Variants in PCM1 observed in about 807,000 individuals in gnomAD.
PCM1 encodes pericentriolar material 1, also known as pericentriolar material 1 protein.
A neutral mutation model predicts 241.9 loss-of-function variants in PCM1; 157 were observed. The ratio of observed to expected loss-of-function variants is 0.65; its 90% confidence interval spans 0.57 to 0.74. The LOEUF is 0.74. PCM1 is among the 30% of genes least tolerant of loss of function. PCM1 has a pLI of 0.00. For missense variants in PCM1, 3,478 were observed against 2,360.1 expected (o/e 1.47, Z -9.81); for synonymous variants, 1,085 against 784.9 (o/e 1.38, Z -6.39).
intron 38 of PCM1, among the ~76,000 whole-genome samples, chr8:18,026,815 C>G (rs755998553): frequency 2.0e-5 from 3 of 152,122 alleles, no homozygotes; most frequent in Non-Finnish European, 2.9e-5. Flanking sequence ...GCTGCTCCTC[C>G]TCTGCTTTCT....
chr8:18,027,961 C>G lies in PCM1; in HGVS notation c.*299C>G. On this transcript the variant is annotated 3_prime_UTR_variant, in exon 39 of 39. Coordinates refer to ENST00000325083, the MANE Select transcript of PCM1 (RefSeq NM_006197.4). The stretch of plus-strand genomic sequence containing the variant: ...AATGTAGTTTTAAATAAAGTTTGGA[C>G]TTATCTATAAAGTATCTTTTTTGGA... 3.2e-6 allele frequency: 1 copy of G among 311,616 alleles called. No individual in the cohort carries two copies. Among genetic ancestry groups the G allele is most frequent in the Non-Finnish European group, 5.8e-6 (1 of 171,638 alleles). 19.3% of individuals were successfully genotyped at this position (311,616 alleles called of 1,614,324 possible). A position where few individuals can be genotyped will look rare whatever the true frequency, so the allele number is the denominator to read the frequency against.
intron 36 of PCM1, among the ~76,000 whole-genome samples, chr8:18,023,244 A>T (rs992307818): frequency 4.6e-5 from 7 of 152,212 alleles, no homozygotes; most frequent in Non-Finnish European, 1.0e-4. Flanking sequence ...ATGACTCTTT[A>T]AATGGTTGTG....
At position 17,964,576 on chromosome 8, in the gene PCM1, C is replaced by T; in HGVS notation, c.2663C>T (p.Ala888Val). ...PQQSRTEKTMATWGGSTQCAL... is the reference protein window; with the variant it reads ...PQQSRTEKTMVTWGGSTQCAL... ...TGTCTCTTAATCACTAGAACGATGGCAACTTGGGGAGGGTCTACCCAGTGT... is the reference window on the plus strand; with the variant it reads ...TGTCTCTTAATCACTAGAACGATGGTAACTTGGGGAGGGTCTACCCAGTGT... The change falls in exon 18 of 39, where the codon GCA (alanine) becomes GTA (valine). Residue 888 changes from alanine to valine, a missense_variant. Ala to Val is a moderately conservative substitution (Grantham distance 64, BLOSUM62 0). Coordinates refer to ENST00000325083, the MANE Select transcript of PCM1 (RefSeq NM_006197.4). 1 of 1,612,370 alleles carries T rather than the reference C, an allele frequency of 6.2e-7. No individual in the cohort carries two copies. The highest frequency in any genetic ancestry group is 8.5e-7 in the Non-Finnish European group (1 of 1,178,942).
At chr8:17,959,959 A>G (rs370027060) in intron 13 of PCM1, 55 bp from the exon 14 acceptor site, 2 of 1,534,270 alleles carry the variant, frequency 1.3e-6, no homozygotes, top group South Asian at 1.2e-5. Flanking sequence ...TAAGGTATGA[A>G]TTGGATAATG....
At chr8:17,974,857 G>GCGCA (rs1554701377) in intron 23 of PCM1, among the ~76,000 whole-genome samples, 15 of 133,274 alleles carry the variant, frequency 1.1e-4, no homozygotes, top group South Asian at 2.7e-4. Flanking sequence ...CCACTTTAAG[G>GCGCA]CACACACACA....
intron 23 of PCM1, among the ~76,000 whole-genome samples, chr8:17,975,596 A>G (rs189057658): frequency 8.1e-4 from 123 of 152,278 alleles, no homozygotes; most frequent in African/African-American, 2.8e-3. Context: ...TTGGGAACGG[A>G]TATGACAGAT....
chr8:17,970,945 G>A (rs996476297), intron 22 of PCM1, among the ~76,000 whole-genome samples: 3 of 152,098 alleles, frequency 2.0e-5, no homozygotes, highest in Admixed American at 1.3e-4. Flanking sequence ...TCAGGGGTCA[G>A]AAAACTTTTC....
In PCM1 at chr8:17,955,585, T is replaced by A. The variant is rs1457575119; in HGVS notation, c.1404T>A (p.Pro468=). ...SNSLTSSVPY[P]TASLVSQNES... ...GCCTCACATCATCTGTTCCTTATCC[T>A]ACTGCTTCTCTAGTATCTCAGAATG... Residue 468 remains proline (P), a synonymous_variant, in exon 10 of 39, where the codon CCT becomes CCA. Transcript: ENST00000325083. The A allele has an allele frequency of 1.2e-6, 2 of 1,613,736 alleles. No homozygotes were observed. The highest frequency in any genetic ancestry group is 2.2e-5 in the East Asian group (1 of 44,878).
intron 16 of PCM1, 31 bp downstream of exon 16, chr8:17,962,205 G>A (rs1157873017): frequency 1.3e-6 from 2 of 1,559,558 alleles, no homozygotes; most frequent in East Asian, 2.3e-5. Context: ...TTGTTCCTGA[G>A]TTAGTCTTTT....
chr8:17,929,672 C>T (rs967800226), intron 2 of PCM1, among the ~76,000 whole-genome samples: 5 of 152,116 alleles, frequency 3.3e-5, no homozygotes, highest in Admixed American at 2.6e-4. Flanking sequence ...GCTTCTTTAT[C>T]GCCCGTGTTG....
chr8:17,988,353 TAATC>T (rs1056614081), intron 26 of PCM1, among the ~76,000 whole-genome samples: 5 of 151,958 alleles, frequency 3.3e-5, no homozygotes, highest in Middle Eastern at 3.4e-3. Context: ...TAAAATGTCA[TAATC>T]AAAGTGTAAG....
At chr8:17,938,698 A>T (rs756589184) in intron 4 of PCM1, 42 bp from the exon 5 acceptor site, 1 of 1,511,730 alleles carries the variant, frequency 6.6e-7, no homozygotes, top group Non-Finnish European at 9.1e-7. Flanking sequence ...ATTTTGTCAT[A>T]AGGTTAATGT....
chr8:18,028,387 A>AAAT lies in PCM1; in HGVS notation c.*728_*730dup, dbSNP rs2094364299. On this transcript the variant is annotated 3_prime_UTR_variant, in exon 39 of 39. Coordinates refer to ENST00000325083, the MANE Select transcript of PCM1 (RefSeq NM_006197.4). The stretch of plus-strand genomic sequence containing the variant: ...CATCGCCTCAGACTAAAAGTAAAAA[A>AAAT]AATAAGCTTTATATAATTAGGGAGA... 5.2e-6 allele frequency: 1 copy of AAAT among 193,250 alleles called. No homozygotes were observed. Among genetic ancestry groups the AAAT allele is most frequent in the Non-Finnish European group, 1.1e-5 (1 of 92,548 alleles). 12.0% of individuals were successfully genotyped at this position (193,250 alleles called of 1,614,324 possible). A position where few individuals can be genotyped will look rare whatever the true frequency, so the allele number is the denominator to read the frequency against.
At chr8:17,950,853 G>C (rs1166156287) in intron 8 of PCM1, 129 bp downstream of exon 8, 3 of 641,496 alleles carry the variant, frequency 4.7e-6, no homozygotes, top group African/African-American at 3.8e-5. Flanking sequence ...TGATTGGTGG[G>C]GTCCCCCCCA....
At chr8:17,983,690 A>G (rs1490815723) in intron 24 of PCM1, among the ~76,000 whole-genome samples, 1 of 152,190 alleles carries the variant, frequency 6.6e-6, no homozygotes, top group Non-Finnish European at 1.5e-5. Context: ...CAAAACAATG[A>G]TTACATGCAA....
At position 17,957,434 on chromosome 8, in the gene PCM1, GTATT is replaced by G. The variant is rs2069087936; in HGVS notation, c.1804+16_1804+19del. 6.2e-7 allele frequency: 1 copy of G among 1,610,252 alleles called. No individual in the cohort carries two copies. The highest frequency in any genetic ancestry group is 1.1e-5 in the South Asian group (1 of 91,034). The stretch of plus-strand genomic sequence containing the variant: ...CCTCCTTCTTTAGGTATGACTGACT[GTATT>G]TACATATAATTTTGCTGTGTTATTC... On this transcript the variant is annotated intron_variant, in intron 12 of 38. Transcript: ENST00000325083.
rs778875270 is a variant in PCM1 at position 17,955,471 on chromosome 8, C to T, written c.1290C>T (p.Ser430=). The change falls in exon 10 of 39, where the codon TCC becomes TCT. Residue 430 remains serine, a splice_region_variant and synonymous_variant. Transcript: ENST00000325083. ...TTTTTGTTGTTGTGCCTTCTTCAGC[C>T]TCTCCACAAAGGAGTGTCGATCAGA... is the stretch of plus-strand genomic sequence containing the variant. ...LRDQHLNNSS[S]SPQRSVDQRS... 5 of 1,582,000 alleles carry T rather than the reference C, an allele frequency of 3.2e-6. No homozygotes were observed. In the East Asian group the frequency reaches 9.0e-5, roughly 29 times the overall value.
In PCM1 at chr8:18,019,774, C is replaced by G. The variant is rs1026826796; in HGVS notation, c.5841+4934C>G. ...CTCGCTGGCTCCCCCCACCACTCAC[C>G]TCCTGCTATTTGGCCTGGTTCTTAA... is the stretch of plus-strand genomic sequence containing the variant. On this transcript the variant is annotated intron_variant, in intron 36 of 38. Coordinates refer to ENST00000325083, the MANE Select transcript of PCM1 (RefSeq NM_006197.4). Among the ~76,000 whole-genome samples the G allele has an allele frequency of 1.5e-3, 230 of 152,286 alleles. 2 individuals are homozygous for G. Among genetic ancestry groups the G allele is most frequent in the Non-Finnish European group, 1.2e-3 (84 of 68,018 alleles).
intron 29 of PCM1, among the ~76,000 whole-genome samples, chr8:17,994,673 C>A (rs925745679): frequency 1.3e-5 from 2 of 152,152 alleles, no homozygotes; most frequent in Non-Finnish European, 2.9e-5. Context: ...TATGAAAGTT[C>A]CCTTTTCTCC....
Sources: gnomAD v4.1 joint callset for allele counts (sites outside exome capture counted in the v4.1 genomes callset) on GRCh38, gnomAD v4.1.1 for gene constraint, MANE v1.5 for transcripts, NCBI Gene and HGNC (gene_info 2026-07-23, HGNC 2026-07-21) for gene names.